Variants in SLC35E2B observed in about 807,000 individuals in gnomAD.
SLC35E2B encodes the protein solute carrier family 35 member E2B, also known as solute carrier family 35, member E2B.
SLC35E2B carries 18 observed loss-of-function variants against 32.4 expected under a neutral mutation model. The ratio of observed to expected loss-of-function variants is 0.56; its 90% CI spans 0.38 to 0.82. The LOEUF (loss-of-function observed/expected upper bound fraction) is 0.82, where lower values mean the gene tolerates loss of function less well. SLC35E2B is among the 40% of genes least tolerant of loss of function. SLC35E2B has a pLI of 0.00. For missense variants in SLC35E2B, 263 were observed against 469.5 expected (o/e 0.56, Z 4.06); for synonymous variants, 132 against 209.1 (o/e 0.63, Z 3.18).
chr1:1,684,690 T>C (rs1433758678), intron 2 of SLC35E2B, among the ~76,000 whole-genome samples: 3 of 146,094 alleles, frequency 2.1e-5, no homozygotes, highest in African/African-American at 7.7e-5. Flanking sequence ...CTTGGCAGGC[T>C]GAGGCAGAAG....
chr1:1,663,177 A>C lies in SLC35E2B; in HGVS notation c.*2605T>G, dbSNP rs1002600113. On this transcript the variant is annotated 3_prime_UTR_variant, in exon 10 of 10. Transcript: ENST00000617444. ...GGCCCCAGAGCAGCGTTACACAGGA[A>C]ATTACCCTATTTGCTAATCCTTTGG... The C allele has an allele frequency of 1.1e-6, 1 of 917,852 alleles. No homozygotes were observed. Among genetic ancestry groups the C allele is most frequent in the Admixed American group, 6.4e-5 (1 of 15,662 alleles). 56.9% of individuals were successfully genotyped at this position (917,852 alleles called of 1,614,324 possible).
rs749514597 is a variant in SLC35E2B, at chr1:1,675,419, G to C, written c.586+44C>G. On this transcript the variant is annotated intron_variant, in intron 5 of 9. Coordinates refer to ENST00000617444, the MANE Select transcript of SLC35E2B (RefSeq NM_001290264.2). ...GACGGGCACCACGGATGGAGGCCTG[G>C]GATGGTGGGGCGCAGGCGGAGGGGC... 3.1e-6 allele frequency: 5 copies of C among 1,603,954 alleles called. No homozygotes were observed. The South Asian group carries it at 5.6e-5, about 18-fold the overall frequency.
At chr1:1,689,354 C>T (rs1435218637) in intron 2 of SLC35E2B, among the ~76,000 whole-genome samples, 1 of 151,762 alleles carries the variant, frequency 6.6e-6, no homozygotes, top group East Asian at 1.9e-4. Context: ...CTGACACAGC[C>T]CTGACTGTGC....
intron 7 of SLC35E2B, 53 bp downstream of exon 7, chr1:1,670,045 G>A: frequency 6.9e-7 from 1 of 1,444,684 alleles, no homozygotes; most frequent in Non-Finnish European, 9.5e-7. Context: ...ACAGTGAGCA[G>A]GAAGTCCTCT....
chr1:1,679,217 C>T (rs1044654705), intron 2 of SLC35E2B, among the ~76,000 whole-genome samples: 12 of 152,176 alleles, frequency 7.9e-5, no homozygotes, highest in Non-Finnish European at 1.3e-4. Context: ...CACGTGGGCT[C>T]GGGCGTGTGC....
At position 1,671,500 on chromosome 1, in the gene SLC35E2B, G is replaced by A; in HGVS notation, c.707+9C>T. On this transcript the variant is annotated intron_variant, in intron 6 of 9. Transcript: ENST00000617444. The stretch of plus-strand genomic sequence containing the variant: ...CGTCCCCCTCACGCCCACCTTCTCT[G>A]TGACTCACCAGTCCATGATGTTGGT... 6.6e-7 allele frequency: 1 copy of A among 1,508,600 alleles called. No homozygotes were observed. The highest frequency in any genetic ancestry group is 8.9e-7 in the Non-Finnish European group (1 of 1,123,536). 93.5% of individuals were successfully genotyped at this position (1,508,600 alleles called of 1,614,324 possible). A position where few individuals can be genotyped will look rare whatever the true frequency, so the allele number is the denominator to read the frequency against.
rs1643651559 is a variant in SLC35E2B at position 1,670,228 on chromosome 1, C to T, written c.708-77G>A. The T allele has an allele frequency of 5.3e-5, 58 of 1,087,786 alleles. 1 individual carries two copies. In the East Asian group the frequency reaches 1.5e-3, roughly 28 times the overall value. 67.4% of individuals were successfully genotyped at this position (1,087,786 alleles called of 1,614,324 possible). ...ATCAGGGGGAGAAGGTGTCTGCGCT[C>T]ACACGGAGCGATGGCGACAATGACC... On this transcript the variant is annotated intron_variant, in intron 6 of 9. Transcript: ENST00000617444.
chr1:1,690,374 A>T (rs1341760844), intron 2 of SLC35E2B, among the ~76,000 whole-genome samples: 1 of 150,594 alleles, frequency 6.6e-6, no homozygotes, highest in Non-Finnish European at 1.5e-5. Context: ...AAATACTTGC[A>T]ACATGGCAAA....
intron 2 of SLC35E2B, among the ~76,000 whole-genome samples, chr1:1,688,335 G>A (rs113643633): frequency 8.1e-4 from 123 of 152,160 alleles, no homozygotes; most frequent in African/African-American, 2.6e-3. Context: ...GGCCGGGCGC[G>A]CTGGCTCACA....
At chr1:1,679,933 C>T (rs188804813) in intron 2 of SLC35E2B, among the ~76,000 whole-genome samples, 4 of 151,564 alleles carry the variant, frequency 2.6e-5, no homozygotes, top group African/African-American at 7.3e-5. Flanking sequence ...GAGTTCAAGA[C>T]CAGCCTGACC....
At chr1:1,680,308 TA>T (rs1244867413) in intron 2 of SLC35E2B, among the ~76,000 whole-genome samples, 2 of 150,188 alleles carry the variant, frequency 1.3e-5, no homozygotes, top group African/African-American at 5.0e-5. Flanking sequence ...CTCTAAAAAT[TA>T]AAAAAAAGTT....
intron 8 of SLC35E2B, among the ~76,000 whole-genome samples, chr1:1,669,141 T>C (rs1381668161): frequency 1.3e-5 from 2 of 152,116 alleles, no homozygotes; most frequent in African/African-American, 4.8e-5. Context: ...TGACAGCTAA[T>C]GGATTAAAAT....
chr1:1,663,349 C>T lies in SLC35E2B; in HGVS notation c.*2433G>A, dbSNP rs1346892727. 1 of 966,830 alleles carries T rather than the reference C, an allele frequency of 1.0e-6. No homozygotes were observed. Among genetic ancestry groups the T allele is most frequent in the Non-Finnish European group, 1.2e-6 (1 of 813,612 alleles). The allele number at this position is 966,830 out of a possible 1,614,324, so 59.9% of individuals were successfully genotyped here. A position where few individuals can be genotyped will look rare whatever the true frequency, so the allele number is the denominator to read the frequency against. ...CGCCTGCACCTCTCCTTATGCCAGA[C>T]CACAATCTTCAAAGAGGCCGGCAGC... On this transcript the variant is annotated 3_prime_UTR_variant, in exon 10 of 10. Transcript: ENST00000617444.
intron 2 of SLC35E2B, among the ~76,000 whole-genome samples, chr1:1,688,795 A>G (rs1221647309): frequency 2.0e-5 from 3 of 152,148 alleles, no homozygotes; most frequent in Non-Finnish European, 2.9e-5. Flanking sequence ...AGGGGGCGGC[A>G]GCCGTCCTCC....
chr1:1,670,930 G>A (rs1643671177), intron 6 of SLC35E2B: 1 of 152,206 alleles, frequency 6.6e-6, no homozygotes, highest in Non-Finnish European at 1.5e-5. Context: ...GGAGGTGGAC[G>A]CCCAATTCTG....
At chr1:1,679,348 C>T (rs1196692813) in intron 2 of SLC35E2B, among the ~76,000 whole-genome samples, 5 of 152,154 alleles carry the variant, frequency 3.3e-5, no homozygotes, top group Non-Finnish European at 7.3e-5. Flanking sequence ...TCACAGCATC[C>T]CAGGCAAAAC....
At chr1:1,671,364 G>T (rs1643685693) in intron 6 of SLC35E2B, 145 bp downstream of exon 6, 1 of 933,450 alleles carries the variant, frequency 1.1e-6, no homozygotes, top group Non-Finnish European at 1.4e-6. Context: ...GATACCTGTT[G>T]TTTTGCTCTT....
At chr1:1,681,054 T>G (rs926412762) in intron 2 of SLC35E2B, among the ~76,000 whole-genome samples, 1 of 151,824 alleles carries the variant, frequency 6.6e-6, no homozygotes, top group Non-Finnish European at 1.5e-5. Context: ...CTCAGCCAAC[T>G]CAAGGGCAGC....
chr1:1,687,461 C>G (rs984769916), intron 2 of SLC35E2B, among the ~76,000 whole-genome samples: 13 of 151,700 alleles, frequency 8.6e-5, no homozygotes, highest in Non-Finnish European at 1.0e-4. Flanking sequence ...AAAATTAGGC[C>G]GGGCGTGGTG....
Sources: allele counts gnomAD v4.1 joint callset (sites outside exome capture counted in the v4.1 genomes callset), GRCh38; gene constraint gnomAD v4.1.1; transcripts MANE v1.5; gene names NCBI Gene and HGNC (gene_info 2026-07-23, HGNC 2026-07-21).